ANKRD6: variants seen among roughly 807,000 people sequenced by gnomAD.
ANKRD6 encodes the protein ankyrin repeat domain-containing protein 6.
A neutral mutation model predicts 82.3 loss-of-function variants in ANKRD6; 56 were observed. The ratio of observed to expected loss-of-function variants is 0.68; its 90% CI spans 0.55 to 0.85. The LOEUF (loss-of-function observed/expected upper bound fraction) is 0.85, where lower values mean the gene tolerates loss of function less well. ANKRD6 is among the 40% of genes least tolerant of loss of function. ANKRD6 has a pLI of 0.00. For synonymous variants in ANKRD6, 347 were observed against 352.1 expected (o/e 0.99, Z 0.16); for missense variants, 852 against 907.6 (o/e 0.94, Z 0.79).
chr6:89,622,263 G>T (rs966332144), intron 10 of ANKRD6, among the ~76,000 whole-genome samples: 1 of 152,202 alleles, frequency 6.6e-6, no homozygotes, highest in Admixed American at 6.6e-5. Context: ...CAGTACACGT[G>T]GGGGGCACAC....
At position 89,556,452 on chromosome 6, in the gene ANKRD6, A is replaced by C. The variant is rs150227284; in HGVS notation, c.-143-10382A>C. On this transcript the variant is annotated intron_variant, in intron 1 of 15. Transcript: ENST00000339746. ...TGTTTTGAGACAAAGCACACTCACT[A>C]TCTGAATCCTGAATATTAGTCTGGC... Among the ~76,000 whole-genome samples the C allele has an allele frequency of 3.7e-3, 564 of 152,350 alleles. 12 individuals carry two copies. Among genetic ancestry groups the C allele is most frequent in the Non-Finnish European group, 1.0e-3 (69 of 68,044 alleles).
intron 1 of ANKRD6, among the ~76,000 whole-genome samples, chr6:89,454,902 G>A (rs952413351): frequency 3.9e-5 from 6 of 152,158 alleles, no homozygotes; most frequent in Non-Finnish European, 7.3e-5. Flanking sequence ...GAGCAGTGGT[G>A]CGATCTCAGC....
In ANKRD6 at chr6:89,438,814, T is replaced by C. The variant is rs149410835; in HGVS notation, c.-144+5439T>C. On this transcript the variant is annotated intron_variant, in intron 1 of 15. Coordinates refer to ENST00000339746, the MANE Select transcript of ANKRD6 (RefSeq NM_001242809.2). Reference sequence around the variant, plus strand: ...GCCACCACTGTGCCTGGCTAATTTTTGTATTTTTAGTAGAGTCAGTGTTTT... The same window carrying C: ...GCCACCACTGTGCCTGGCTAATTTTCGTATTTTTAGTAGAGTCAGTGTTTT... 2.4e-3 allele frequency among the ~76,000 whole-genome samples: 368 copies of C among 152,236 alleles called. 1 individual carries two copies. The highest frequency in any genetic ancestry group is 8.4e-3 in the African/African-American group (347 of 41,536).
chr6:89,552,144 G>A (rs971913356), intron 1 of ANKRD6, among the ~76,000 whole-genome samples: 8 of 152,166 alleles, frequency 5.3e-5, no homozygotes, highest in African/African-American at 7.2e-5. Flanking sequence ...GCCTTAGCTC[G>A]GAAATAATCA....
Position 89,623,600 on chromosome 6 carries a change from G to T in ANKRD6, c.1032+56G>T, listed in dbSNP as rs896047532. 7.1e-6 allele frequency: 11 copies of T among 1,546,650 alleles called. No homozygotes were observed. The African/African-American group carries it at 1.5e-4, about 21-fold the overall frequency. ...GTGGCTGGGAGGCAGGGTGGCGAGG[G>T]TCCTGGCAGAGCGTCATGCCCATCA... is the stretch of plus-strand genomic sequence containing the variant. On this transcript the variant is annotated intron_variant, in intron 11 of 15. Coordinates refer to ENST00000339746, the MANE Select transcript of ANKRD6 (RefSeq NM_001242809.2).
chr6:89,616,738 C>A, intron 8 of ANKRD6, 81 bp downstream of exon 8: 2 of 1,360,880 alleles, frequency 1.5e-6, no homozygotes, highest in South Asian at 1.2e-5. Context: ...CCCTGCAGAC[C>A]CCCAGGCCCA....
At chr6:89,579,375 T>C (rs1791923747) in intron 2 of ANKRD6, among the ~76,000 whole-genome samples, 3 of 152,154 alleles carry the variant, frequency 2.0e-5, no homozygotes, top group African/African-American at 7.2e-5. Flanking sequence ...CTAAGAGCTG[T>C]GGTCCAAGTA....
chr6:89,617,910 G>A, intron 8 of ANKRD6, 44 bp from the exon 9 acceptor site: 1 of 1,586,474 alleles, frequency 6.3e-7, no homozygotes, highest in Non-Finnish European at 8.6e-7. Context: ...GTGCGTGTGG[G>A]ACCCGTGGCC....
At chr6:89,448,316 T>C (rs192240270) in intron 1 of ANKRD6, among the ~76,000 whole-genome samples, 1 of 151,838 alleles carries the variant, frequency 6.6e-6, no homozygotes, top group East Asian at 2.0e-4. Context: ...TGCCTGTAGT[T>C]CCAGCTACTC....
intron 2 of ANKRD6, among the ~76,000 whole-genome samples, chr6:89,573,909 C>A (rs1286068060): frequency 6.6e-6 from 1 of 152,162 alleles, no homozygotes; most frequent in African/African-American, 2.4e-5. Context: ...TGAAGTCCAC[C>A]CAGTGAATGG....
chr6:89,566,608 T>C (rs1054450871), intron 1 of ANKRD6, among the ~76,000 whole-genome samples: 2 of 152,356 alleles, frequency 1.3e-5, no homozygotes, highest in East Asian at 1.9e-4. Flanking sequence ...AGGATGTCCC[T>C]GATAGGGGAA....
intron 5 of ANKRD6, among the ~76,000 whole-genome samples, chr6:89,606,959 C>T (rs1035217573): frequency 1.3e-5 from 2 of 152,000 alleles, no homozygotes; most frequent in African/African-American, 4.8e-5. Context: ...CACTTGAGAC[C>T]AGGCATTCAA....
intron 2 of ANKRD6, among the ~76,000 whole-genome samples, chr6:89,570,243 T>A (rs1789529300): frequency 6.6e-6 from 1 of 152,058 alleles, no homozygotes; most frequent in Admixed American, 6.5e-5. Context: ...CTGTTAATTG[T>A]TAAGACAGGG....
chr6:89,578,118 A>G (rs975574013), intron 2 of ANKRD6, among the ~76,000 whole-genome samples: 3 of 152,188 alleles, frequency 2.0e-5, no homozygotes, highest in African/African-American at 7.2e-5. Flanking sequence ...GGCAGGTAGC[A>G]TGGAGACCAT....
chr6:89,494,266 A>G (rs1056348484), intron 1 of ANKRD6, among the ~76,000 whole-genome samples: 1 of 152,256 alleles, frequency 6.6e-6, no homozygotes, highest in African/African-American at 2.4e-5. Flanking sequence ...CTAAACTAAC[A>G]GGATTCCTGC....
Position 89,472,648 on chromosome 6 carries a change from AC to A in ANKRD6, c.-144+39274del, listed in dbSNP as rs535345242. On this transcript the variant is annotated intron_variant, in intron 1 of 15. Coordinates refer to ENST00000339746, the MANE Select transcript of ANKRD6 (RefSeq NM_001242809.2). ...TCTTGTTGGCAGAGCTCTAATCTAA[AC>A]TGAATAAGCACCTTACCTTACCTGT... Among the ~76,000 whole-genome samples the A allele has an allele frequency of 2.9e-3, 448 of 152,252 alleles. 1 individual carries two copies. The highest frequency in any genetic ancestry group is 9.8e-3 in the African/African-American group (406 of 41,532).
intron 1 of ANKRD6, among the ~76,000 whole-genome samples, chr6:89,490,836 C>A (rs1777931693): frequency 6.6e-6 from 1 of 151,998 alleles, no homozygotes; most frequent in Non-Finnish European, 1.5e-5. Context: ...AAATGGTGGC[C>A]CCCCAAAAGA....
chr6:89,480,019 G>A (rs867126015), intron 1 of ANKRD6, among the ~76,000 whole-genome samples: 30 of 152,200 alleles, frequency 2.0e-4, no homozygotes, highest in African/African-American at 6.3e-4. Flanking sequence ...GTGTGATGAA[G>A]AACCCCTTTT....
intron 1 of ANKRD6, among the ~76,000 whole-genome samples, chr6:89,552,840 A>G (rs1266488592): frequency 1.3e-5 from 2 of 152,294 alleles, no homozygotes; most frequent in African/African-American, 2.4e-5. Flanking sequence ...AGCGCATTCT[A>G]TGGGTGGACT....
Sources: allele counts gnomAD v4.1 joint callset (sites outside exome capture counted in the v4.1 genomes callset), GRCh38; gene constraint gnomAD v4.1.1; transcripts MANE v1.5; gene names NCBI Gene and HGNC (gene_info 2026-07-23, HGNC 2026-07-21).